Variants in NOS2 observed in about 807,000 individuals in gnomAD.
The protein encoded by NOS2 is nitric oxide synthase, inducible.
Under a neutral mutation model 136.0 loss-of-function variants are expected in NOS2, and 96 were observed. The ratio of observed to expected loss-of-function variants is 0.71; its 90% CI spans 0.60 to 0.84. The LOEUF (loss-of-function observed/expected upper bound fraction) is 0.84. Among genes scored for constraint, NOS2 ranks in the 40% least tolerant of loss-of-function variants. The pLI is 0.00. For missense variants in NOS2, 1,237 were observed against 1,496.9 expected (o/e 0.83, Z 2.87); for synonymous variants, 539 against 587.5 (o/e 0.92, Z 1.20).
In NOS2 at chr17:27,784,504, G is replaced by A. The variant is rs1041279174; in HGVS notation, c.468-1398C>T. On this transcript the variant is annotated intron_variant, in intron 5 of 26. Coordinates refer to ENST00000313735, the MANE Select transcript of NOS2 (RefSeq NM_000625.4). Reference sequence around the variant, plus strand: ...TGCACCTGAGCATGACAACAGTAATGATCACCATAACACCCACACCACCAA... The same window carrying A: ...TGCACCTGAGCATGACAACAGTAATAATCACCATAACACCCACACCACCAA... Among the ~76,000 whole-genome samples, 5 of 152,218 alleles carry A rather than the reference G, an allele frequency of 3.3e-5. No homozygotes were observed. In the South Asian group the frequency reaches 6.2e-4, roughly 19 times the overall value.
rs1336973107 is a variant in NOS2, at chr17:27,762,857, CG to C, written c.2740del (p.Arg914GlyfsTer10). On this transcript the variant is annotated frameshift_variant, in exon 22 of 27. Transcript: ENST00000313735. LOFTEE classifies it high-confidence loss of function. ...KPRFYSISSS[R>X]DHTPTEIHLT... ...GTGGATCTCTGTGGGCGTGTGATCC[CG>C]GGAGGAGCTGATGGAGTAGAACCTG... 56 of 1,571,898 alleles carry C rather than the reference CG, an allele frequency of 3.6e-5. No homozygotes were observed. Among genetic ancestry groups the C allele is most frequent in the Non-Finnish European group, 4.7e-5 (54 of 1,159,144 alleles).
At chr17:27,779,127 T>C in intron 9 of NOS2, 71 bp from the exon 10 acceptor site, 1 of 1,158,796 alleles carries the variant, frequency 8.6e-7, no homozygotes, top group Non-Finnish European at 1.1e-6. Flanking sequence ...TTTTTTTTAG[T>C]GACTTGGTCT....
chr17:27,765,571 G>C lies in NOS2; in HGVS notation c.2392C>G (p.His798Asp). The part of the protein sequence containing the change: ...LERVVDGPTP[H>D]QTVRLEALDE... ...AGGGCCTCCAGGCGCACTGTCTGGT[G>C]GGGTGTGGGGCCATCCACCACTCGC... is the stretch of plus-strand genomic sequence containing the variant. The change falls in exon 20 of 27, where the codon CAC becomes GAC. Residue 798 changes from histidine (H) to aspartate (D), a missense_variant. Coordinates refer to ENST00000313735, the MANE Select transcript of NOS2 (RefSeq NM_000625.4). 1 of 1,611,130 alleles carries C rather than the reference G, an allele frequency of 6.2e-7. No individual in the cohort carries two copies. The highest frequency in any genetic ancestry group is 8.5e-7 in the Non-Finnish European group (1 of 1,179,434).
At chr17:27,760,844 G>T (rs1281016008) in intron 23 of NOS2, 100 bp from the exon 24 acceptor site, 4 of 1,425,578 alleles carry the variant, frequency 2.8e-6, no homozygotes, top group Non-Finnish European at 3.7e-6. Flanking sequence ...GCGGTCGTGA[G>T]GGGGTGGAGA....
intron 22 of NOS2, among the ~76,000 whole-genome samples, chr17:27,761,949 T>A (rs923444046): frequency 1.1e-4 from 16 of 152,306 alleles, no homozygotes; most frequent in East Asian, 5.8e-4. Flanking sequence ...GCAGGGCAAA[T>A]AGAGTCTCTG....
intron 8 of NOS2, 55 bp from the exon 9 acceptor site, chr17:27,780,961 T>C (rs1007786472): frequency 3.1e-6 from 5 of 1,598,888 alleles, no homozygotes; most frequent in African/African-American, 2.7e-5. Flanking sequence ...GTGTCTCCTC[T>C]GGGCTCCACT....
intron 2 of NOS2, among the ~76,000 whole-genome samples, chr17:27,796,311 G>A (rs759987298): frequency 2.6e-4 from 39 of 152,036 alleles, no homozygotes; most frequent in Non-Finnish European, 3.2e-4. Context: ...TTAACCAGGC[G>A]TGGTGGCACA....
At chr17:27,758,014 C>G (rs1201108009) in intron 26 of NOS2, among the ~76,000 whole-genome samples, 1 of 152,150 alleles carries the variant, frequency 6.6e-6, no homozygotes, top group Non-Finnish European at 1.5e-5. Flanking sequence ...CCCTGGCCAC[C>G]CTATTTAAAA....
intron 2 of NOS2, among the ~76,000 whole-genome samples, chr17:27,797,277 C>T (rs999818730): frequency 3.9e-5 from 6 of 152,236 alleles, no homozygotes; most frequent in African/African-American, 1.4e-4. Context: ...CTCCTAACTG[C>T]CAACACCACC....
intron 19 of NOS2, 139 bp downstream of exon 19, chr17:27,766,371 C>A: frequency 1.3e-6 from 1 of 769,540 alleles, no homozygotes; most frequent in East Asian, 2.5e-5. Flanking sequence ...CCAGGTGGGC[C>A]GGTCCTACCG....
chr17:27,769,406 C>G, intron 16 of NOS2, 129 bp downstream of exon 16: 1 of 853,474 alleles, frequency 1.2e-6, no homozygotes. Flanking sequence ...GAGTACAGAC[C>G]TTAGACCCAG....
rs200703296 is a variant in NOS2 at position 27,756,836 on chromosome 17, C to T, written c.*410G>A. ...AATCATACAGGGAAGACCCAAGTGG[C>T]CATGGGGAACAGACTGGGTGTTAGT... On this transcript the variant is annotated 3_prime_UTR_variant, in exon 27 of 27. Transcript: ENST00000313735. 11 of 171,858 alleles carry T rather than the reference C, an allele frequency of 6.4e-5. No homozygotes were observed. Among genetic ancestry groups the T allele is most frequent in the Non-Finnish European group, 2.4e-5 (2 of 81,786 alleles). 10.6% of individuals were successfully genotyped at this position (171,858 alleles called of 1,614,324 possible). A position where few individuals can be genotyped will look rare whatever the true frequency, so the allele number is the denominator to read the frequency against.
chr17:27,791,772 AAAAAC>A (rs918064019), intron 2 of NOS2, among the ~76,000 whole-genome samples: 1,725 of 141,602 alleles, frequency 0.012, 109 homozygotes, highest in African/African-American at 0.044. Flanking sequence ...CCTGCCAGAA[AAAAAC>A]AAAACAAAAC....
chr17:27,766,369 GCCGGT>G, intron 19 of NOS2, 136 bp downstream of exon 19: 1 of 760,028 alleles, frequency 1.3e-6, no homozygotes, highest in Non-Finnish European at 2.3e-6. Flanking sequence ...TACCAGGTGG[GCCGGT>G]CCTACCGACA....
At chr17:27,789,959 GCTC>G (rs1201708282) in intron 2 of NOS2, among the ~76,000 whole-genome samples, 1 of 152,200 alleles carries the variant, frequency 6.6e-6, no homozygotes, top group Non-Finnish European at 1.5e-5. Context: ...TCTGGAAAAT[GCTC>G]CTTCACCCTC....
intron 18 of NOS2, among the ~76,000 whole-genome samples, chr17:27,767,445 C>T (rs1346379164): frequency 6.6e-6 from 1 of 152,244 alleles, no homozygotes; most frequent in African/African-American, 2.4e-5. Context: ...GGCCAGGAGC[C>T]CCGCACAGTG....
intron 11 of NOS2, among the ~76,000 whole-genome samples, 159 bp downstream of exon 11, chr17:27,778,531 G>A (rs1189171015): frequency 6.6e-6 from 1 of 152,188 alleles, no homozygotes; most frequent in Non-Finnish European, 1.5e-5. Context: ...CAGTGCTCAA[G>A]TACAGGGATT....
intron 20 of NOS2, 119 bp downstream of exon 20, chr17:27,765,416 C>G: frequency 2.2e-6 from 2 of 914,260 alleles, no homozygotes; most frequent in Non-Finnish European, 3.2e-6. Context: ...TTTGGTGGCC[C>G]GCCCTCTCAG....
In NOS2 at chr17:27,760,193, G is replaced by T; in HGVS notation, c.3011-15C>A. 1 of 1,538,058 alleles carries T rather than the reference G, an allele frequency of 6.5e-7. No individual in the cohort carries two copies. ...TCCCCGCACTCCTGCAGGAGTCCCG[G>T]GCTGTTGTTACCATGTTGGCCACCA... On this transcript the variant is annotated splice_polypyrimidine_tract_variant and intron_variant, in intron 24 of 26. Transcript: ENST00000313735.
Sources: allele counts gnomAD v4.1 joint callset (sites outside exome capture counted in the v4.1 genomes callset), GRCh38; gene constraint gnomAD v4.1.1; transcripts MANE v1.5; gene names NCBI Gene and HGNC (gene_info 2026-07-23, HGNC 2026-07-21).